The following SLC36A1 variants were observed in gnomAD, a reference collection of about 807,000 sequenced individuals.
SLC36A1 encodes solute carrier family 36 member 1, also known as proton-coupled amino acid transporter 1.
SLC36A1 carries 30 observed loss-of-function variants against 47.5 expected under a neutral mutation model. That is an observed-to-expected ratio of 0.63 (90% CI 0.47 to 0.86). SLC36A1 has a LOEUF of 0.86. Ranked by LOEUF, SLC36A1 falls within the 40% of genes least tolerant of loss-of-function variation. SLC36A1 has a pLI of 0.00. For missense variants in SLC36A1, 517 were observed against 606.0 expected (o/e 0.85, Z 1.54); for synonymous variants, 255 against 249.7 (o/e 1.02, Z -0.20).
intron 9 of SLC36A1, among the ~76,000 whole-genome samples, chr5:151,478,654 G>A (rs1416020736): frequency 6.6e-6 from 1 of 152,148 alleles, no homozygotes; most frequent in Non-Finnish European, 1.5e-5. Flanking sequence ...ATTTTCAAAA[G>A]GTATATAGAG....
chr5:151,512,946 T>A, the SLC36A1 span, among the ~76,000 whole-genome samples: 2 of 152,254 alleles, frequency 1.3e-5, no homozygotes, highest in African/African-American at 4.8e-5. This position sits in a 1 kb window ranked among gnomAD's most constrained non-coding sequence, Gnocchi z 4.1. Flanking sequence ...TTGTGAATAT[T>A]GGCCTTCAGC....
chr5:151,540,972 A>G, the SLC36A1 span, among the ~76,000 whole-genome samples: 1 of 152,256 alleles, frequency 6.6e-6, no homozygotes, highest in African/African-American at 2.4e-5. Context: ...GTTGAATGAA[A>G]TTGTCAATGC....
the SLC36A1 span, among the ~76,000 whole-genome samples, chr5:151,416,473 T>C: frequency 2.0e-5 from 3 of 152,360 alleles, no homozygotes; most frequent in Admixed American, 6.5e-5. Context: ...TATACATGAT[T>C]GCTGGTAAAT....
the SLC36A1 span, among the ~76,000 whole-genome samples, chr5:151,502,223 A>T: frequency 2.7e-5 from 4 of 147,172 alleles, 1 homozygote; most frequent in African/African-American, 5.4e-5. Context: ...GAGGTGGGAG[A>T]ATTGCTTGAA....
upstream of SLC36A1, among the ~76,000 whole-genome samples, chr5:151,443,580 A>G (rs1329767425): frequency 1.3e-5 from 2 of 152,196 alleles, no homozygotes; most frequent in Admixed American, 6.5e-5. Flanking sequence ...CTTATTAGAC[A>G]TAGGGTTTGC....
At chr5:151,458,317 TATATATATATA>T (rs1309964509) in intron 1 of SLC36A1, among the ~76,000 whole-genome samples, 1 of 64,252 alleles carries the variant, frequency 1.6e-5, no homozygotes, top group African/African-American at 6.1e-5. Flanking sequence ...TATACGTATA[TATATATATATA>T]TATATGGGAT....
At position 151,479,341 on chromosome 5, in the gene SLC36A1, G is replaced by C. The variant is rs774157506; in HGVS notation, c.1011G>C (p.Leu337=). ...GCAGGTTGTACCAGTCAGTTAAGCT[G>C]CTGTACTCCATCGGGATCTTTTTCA... is the stretch of plus-strand genomic sequence containing the variant. The part of the protein sequence containing the change: ...PNCWLYQSVK[L]LYSIGIFFTY... The change falls in exon 10 of 11, where the codon CTG becomes CTC. Residue 337 remains leucine, a synonymous_variant. Transcript: ENST00000243389. 1 of 1,614,164 alleles carries C rather than the reference G, an allele frequency of 6.2e-7. No individual in the cohort carries two copies. Among genetic ancestry groups the C allele is most frequent in the South Asian group, 1.1e-5 (1 of 91,080 alleles).
chr5:151,521,859 G>C, the SLC36A1 span: 3 of 1,614,244 alleles, frequency 1.9e-6, no homozygotes, highest in Non-Finnish European at 2.5e-6. Flanking sequence ...CACCCACTGA[G>C]AAGTGCCTGC....
the SLC36A1 span, among the ~76,000 whole-genome samples, chr5:151,358,843 G>C: frequency 6.6e-6 from 1 of 151,482 alleles, no homozygotes; most frequent in Admixed American, 6.6e-5. Context: ...GCGCGGTGGC[G>C]GGTGCCTGTA....
At chr5:151,551,373 C>T in the SLC36A1 span, 2 of 1,317,116 alleles carry the variant, frequency 1.5e-6, no homozygotes, top group South Asian at 2.8e-5. Flanking sequence ...CCTTGAGGAA[C>T]ACCACATCCA....
At chr5:151,415,763 G>C in the SLC36A1 span, among the ~76,000 whole-genome samples, 1 of 152,118 alleles carries the variant, frequency 6.6e-6, no homozygotes, top group South Asian at 2.1e-4. Flanking sequence ...ATGAATTAAG[G>C]AGTGAATGAG....
At chr5:151,431,201 T>C in the SLC36A1 span, 13 of 152,306 alleles carry the variant, frequency 8.5e-5, no homozygotes, top group African/African-American at 2.9e-4. Context: ...TTTGGATTAC[T>C]AGAAAGAAGA....
At chr5:151,471,930 C>G (rs1212168289) in intron 7 of SLC36A1, among the ~76,000 whole-genome samples, 2 of 152,146 alleles carry the variant, frequency 1.3e-5, no homozygotes, top group Non-Finnish European at 2.9e-5. Flanking sequence ...AAGCAACATA[C>G]ACATGTGGTT....
At chr5:151,550,947 G>T in the SLC36A1 span, 2 of 1,374,844 alleles carry the variant, frequency 1.5e-6, no homozygotes, top group Non-Finnish European at 2.0e-6. Flanking sequence ...GGACCTCCCT[G>T]TATCACCCAG....
chr5:151,345,077 G>A, the SLC36A1 span, among the ~76,000 whole-genome samples: 1 of 152,110 alleles, frequency 6.6e-6, no homozygotes, highest in African/African-American at 2.4e-5. Flanking sequence ...TTGCCCGGAG[G>A]ACAAAGTCTA....
At chr5:151,432,511 C>T (rs1184237598), upstream of SLC36A1, among the ~76,000 whole-genome samples, 1 of 152,164 alleles carries the variant, frequency 6.6e-6, no homozygotes, top group Non-Finnish European at 1.5e-5. Flanking sequence ...ATCCTTTCTA[C>T]CCCTTGCTTT....
chr5:151,547,859 C>T, the SLC36A1 span, among the ~76,000 whole-genome samples: 1 of 152,190 alleles, frequency 6.6e-6, no homozygotes, highest in East Asian at 1.9e-4. Flanking sequence ...GAAAATCATT[C>T]TTTTGGGGTG....
chr5:151,555,367 CTTT>C, the SLC36A1 span, among the ~76,000 whole-genome samples: 6 of 123,084 alleles, frequency 4.9e-5, no homozygotes, highest in Non-Finnish European at 6.7e-5. Context: ...TAATATATTT[CTTT>C]TTTTTTTTTT....
the SLC36A1 span, among the ~76,000 whole-genome samples, chr5:151,346,112 C>T: frequency 6.6e-6 from 1 of 152,192 alleles, no homozygotes; most frequent in Non-Finnish European, 1.5e-5. Flanking sequence ...TTCCTTTGAT[C>T]CTTAAGTTGC....
Sources: allele counts gnomAD v4.1 joint callset (sites outside exome capture counted in the v4.1 genomes callset), GRCh38; gene constraint gnomAD v4.1.1; non-coding constraint Gnocchi (gnomAD v3.1); transcripts MANE v1.5; gene names NCBI Gene and HGNC (gene_info 2026-07-23, HGNC 2026-07-21).